Variants in KCNQ1 observed in about 807,000 individuals in gnomAD.
KCNQ1 encodes potassium voltage-gated channel subfamily KQT member 1.
In KCNQ1, 49 loss-of-function variants were observed where a neutral mutation model predicts 72.4. The ratio of observed to expected loss-of-function variants is 0.68; its 90% CI spans 0.54 to 0.86. The LOEUF is 0.86. Ranked by LOEUF, KCNQ1 falls within the 40% of genes least tolerant of loss-of-function variation. The probability of loss-of-function intolerance (pLI) is 0.00; values close to 1 mark genes in which losing one functional copy is unlikely to be tolerated. For synonymous variants in KCNQ1, 450 were observed against 412.6 expected (o/e 1.09, Z -1.10); for missense variants, 790 against 945.1 (o/e 0.84, Z 2.15).
rs553081483 is a variant in KCNQ1, at chr11:2,555,521, C to T, written c.478-15107C>T. Among the ~76,000 whole-genome samples, 16 of 152,364 alleles carry T rather than the reference C, an allele frequency of 1.1e-4. No individual in the cohort carries two copies. In the East Asian group the frequency reaches 1.7e-3, roughly 17 times the overall value. Reference sequence around the variant, plus strand: ...AATGGTGTCTGCAGCCAGGCGTGGGCGTCTCCGGGCCATGGGCTCCCCCAC... The same window carrying T: ...AATGGTGTCTGCAGCCAGGCGTGGGTGTCTCCGGGCCATGGGCTCCCCCAC... On this transcript the variant is annotated intron_variant, in intron 2 of 15. Transcript: ENST00000155840.
chr11:2,835,064 G>A (rs1451811012), intron 15 of KCNQ1, among the ~76,000 whole-genome samples: 1 of 152,132 alleles, frequency 6.6e-6, no homozygotes, highest in East Asian at 1.9e-4. Flanking sequence ...AGGGAGGGCG[G>A]CCCTGTCCTG....
rs1223242558 is a variant in KCNQ1 at position 2,816,986 on chromosome 11, G to C, written c.1795-30781G>C. 2.6e-5 allele frequency among the ~76,000 whole-genome samples: 4 copies of C among 152,120 alleles called. No individual in the cohort carries two copies. Among genetic ancestry groups the C allele is most frequent in the Non-Finnish European group, 2.9e-5 (2 of 68,008 alleles). On this transcript the variant is annotated intron_variant, in intron 15 of 15. Coordinates refer to ENST00000155840, the MANE Select transcript of KCNQ1 (RefSeq NM_000218.3). This position sits in a 1 kb window ranked among gnomAD's most constrained non-coding sequence, Gnocchi z 6.8. ...CAAAACCTTGGTCCCTGTCCGCAGA[G>C]GGTGTCAGGGCTTGAGGTCAACAGG...
intron 11 of KCNQ1, chr11:2,666,911 TC>T: frequency 2.5e-6 from 1 of 398,654 alleles, no homozygotes; most frequent in Non-Finnish European, 4.4e-6. Context: ...CAGTGTCCTG[TC>T]TTCTGCAAAG....
chr11:2,684,725 C>T (rs557984226), intron 11 of KCNQ1: 1 of 398,592 alleles, frequency 2.5e-6, no homozygotes, highest in African/African-American at 2.1e-5. Flanking sequence ...TGGAGAGAAC[C>T]CAGGGTAGGT....
chr11:2,649,280 T>G (rs1465657472), intron 10 of KCNQ1: 2 of 398,496 alleles, frequency 5.0e-6, no homozygotes, highest in Non-Finnish European at 4.4e-6. Flanking sequence ...TTGTATACTT[T>G]TGTTTCCTCT....
At chr11:2,694,029 G>A (rs1850632537) in intron 11 of KCNQ1, 1 of 398,606 alleles carries the variant, frequency 2.5e-6, no homozygotes, top group South Asian at 1.3e-4. Context: ...CAAGCCACAG[G>A]TGCCCATGCC....
intron 1 of KCNQ1, among the ~76,000 whole-genome samples, chr11:2,504,974 C>T (rs1286173047): frequency 6.6e-6 from 1 of 152,012 alleles, no homozygotes; most frequent in African/African-American, 2.4e-5. Flanking sequence ...GTTAGTAACG[C>T]TTTTGTTGTG....
chr11:2,777,621 G>T, intron 14 of KCNQ1: 1 of 583,254 alleles, frequency 1.7e-6, no homozygotes, highest in Non-Finnish European at 3.0e-6. Context: ...CGGAGCAGCG[G>T]AATGGCTGTG....
At chr11:2,666,171 G>A (rs770166348) in intron 11 of KCNQ1, 6 of 398,536 alleles carry the variant, frequency 1.5e-5, no homozygotes, top group Non-Finnish European at 2.7e-5. Context: ...CCAGCTCGAG[G>A]TTAACAGATA....
intron 1 of KCNQ1, among the ~76,000 whole-genome samples, chr11:2,476,494 A>C (rs1846570362): frequency 6.6e-6 from 1 of 152,214 alleles, no homozygotes; most frequent in South Asian, 2.1e-4. Flanking sequence ...ACAGTAAGAA[A>C]AGTGAATGTA....
At position 2,793,485 on chromosome 11, in the gene KCNQ1, G is replaced by A. The variant is rs183032723; in HGVS notation, c.1794+15448G>A. On this transcript the variant is annotated intron_variant, in intron 15 of 15. Transcript: ENST00000155840. ...AATAAAAATAAAAAATTAGCCAAGC[G>A]TGATGGTGTGTGCCTGTGGTCCCGG... is the stretch of plus-strand genomic sequence containing the variant. 2.7e-3 allele frequency among the ~76,000 whole-genome samples: 346 copies of A among 129,418 alleles called. 2 individuals are homozygous for A. The highest frequency in any genetic ancestry group is 8.9e-3 in the African/African-American group (336 of 37,930). The allele number at this position is 129,418 out of a possible 152,430, so 84.9% of individuals were successfully genotyped here. A position where few individuals can be genotyped will look rare whatever the true frequency, so the allele number is the denominator to read the frequency against.
At chr11:2,741,839 G>T (rs1461065049) in intron 11 of KCNQ1, among the ~76,000 whole-genome samples, 1 of 152,192 alleles carries the variant, frequency 6.6e-6, no homozygotes, top group Non-Finnish European at 1.5e-5. Context: ...ACCTTCTTAG[G>T]AGGGTCCAGT....
rs560728591 is a variant in KCNQ1 at position 2,768,094 on chromosome 11, C to A, written c.1515-750C>A. On this transcript the variant is annotated intron_variant, in intron 11 of 15. Coordinates refer to ENST00000155840, the MANE Select transcript of KCNQ1 (RefSeq NM_000218.3). This position sits in a 1 kb window ranked among gnomAD's most constrained non-coding sequence, Gnocchi z 6.7. ...CAAAGCCTCACACAGCTGTTCCTTG[C>A]TGTTGGCATCACTTAGTCTCGCAGT... Among the ~76,000 whole-genome samples the A allele has an allele frequency of 2.6e-5, 4 of 152,330 alleles. No individual in the cohort carries two copies. The highest frequency in any genetic ancestry group is 9.6e-5 in the African/African-American group (4 of 41,570).
At position 2,733,822 on chromosome 11, in the gene KCNQ1, ACTCT is replaced by A. The variant is rs71029156; in HGVS notation, c.1515-34990_1515-34987del. Among the ~76,000 whole-genome samples, 764 of 92,336 alleles carry A rather than the reference ACTCT, an allele frequency of 8.3e-3. 11 individuals are homozygous for A. The highest frequency in any genetic ancestry group is 0.012 in the South Asian group (34 of 2,730). The allele number at this position is 92,336 out of a possible 152,430, so 60.6% of individuals were successfully genotyped here. A position where few individuals can be genotyped will look rare whatever the true frequency, so the allele number is the denominator to read the frequency against. On this transcript the variant is annotated intron_variant, in intron 11 of 15. Coordinates refer to ENST00000155840, the MANE Select transcript of KCNQ1 (RefSeq NM_000218.3). ...CACACACACACACACACACTCTCTC[ACTCT>A]CTCTCTCTCTCTCTCTCTCTCTCTC...
At chr11:2,666,150 A>T (rs1850062711) in intron 11 of KCNQ1, 1 of 398,460 alleles carries the variant, frequency 2.5e-6, no homozygotes, top group Admixed American at 4.4e-5. Context: ...GGCATCTTAG[A>T]TGGGCAAGCC....
rs766265647 is a variant in KCNQ1, at chr11:2,676,060, G to A, written c.1514+13979G>A. On this transcript the variant is annotated intron_variant, in intron 11 of 15. Transcript: ENST00000155840. This position sits in a 1 kb window ranked among gnomAD's most constrained non-coding sequence, Gnocchi z 4.2. Reference sequence around the variant, plus strand: ...ACTTTCCTATTGCATCTTTCCAGACGTATTTTATATAAACAAATATACGTG... The same window carrying A: ...ACTTTCCTATTGCATCTTTCCAGACATATTTTATATAAACAAATATACGTG... The A allele has an allele frequency of 1.5e-5, 6 of 398,408 alleles. No homozygotes were observed. The highest frequency in any genetic ancestry group is 4.1e-5 in the African/African-American group (2 of 48,584). The allele number at this position is 398,408 out of a possible 1,614,324, so 24.7% of individuals were successfully genotyped here.
In KCNQ1 at chr11:2,471,123, ACTCAT is replaced by A. The variant is rs1846446515; in HGVS notation, c.386+25646_386+25650del. Among the ~76,000 whole-genome samples the A allele has an allele frequency of 6.6e-6, 1 of 151,442 alleles. No homozygotes were observed. Among genetic ancestry groups the A allele is most frequent in the Non-Finnish European group, 1.5e-5 (1 of 67,844 alleles). On this transcript the variant is annotated intron_variant, in intron 1 of 15. Coordinates refer to ENST00000155840, the MANE Select transcript of KCNQ1 (RefSeq NM_000218.3). The surrounding 1 kb of genome is among the most constrained non-coding windows in gnomAD (Gnocchi z 4.8). ...TACCCGCCCTCACCACCCTGTATCA[ACTCAT>A]CTCATCGATATCTCCCAACGGCTGG...
intron 11 of KCNQ1, chr11:2,680,060 A>AT (rs563953512): frequency 0.044 from 13,265 of 304,028 alleles, 58 homozygotes; most frequent in Non-Finnish European, 0.05. Context: ...TGACTGGCTA[A>AT]TTTTTTTTTT....
intron 11 of KCNQ1, chr11:2,662,706 G>C (rs1849987371): frequency 5.0e-6 from 2 of 401,720 alleles, no homozygotes; most frequent in African/African-American, 4.1e-5. Flanking sequence ...CGTGCAGCGG[G>C]GTCAGTGGGG....
Sources: allele counts gnomAD v4.1 joint callset (sites outside exome capture counted in the v4.1 genomes callset), GRCh38; gene constraint gnomAD v4.1.1; non-coding constraint Gnocchi (gnomAD v3.1); transcripts MANE v1.5; gene names NCBI Gene and HGNC (gene_info 2026-07-23, HGNC 2026-07-21).